Variants in ATP6V0A1 observed in about 807,000 individuals in gnomAD.
The protein encoded by ATP6V0A1 is V-type proton ATPase 116 kDa subunit a 1.
ATP6V0A1 carries 43 observed loss-of-function variants against 105.4 expected under a neutral mutation model. The observed-to-expected ratio is 0.41, with a 90% CI of 0.32 to 0.53. The LOEUF is 0.53. ATP6V0A1 is among the 20% of genes least tolerant of loss of function. The probability of loss-of-function intolerance (pLI) is 0.30; values close to 1 mark genes in which losing one functional copy is unlikely to be tolerated. For synonymous variants in ATP6V0A1, 362 were observed against 372.8 expected (o/e 0.97, Z 0.33); for missense variants, 676 against 1,051.1 (o/e 0.64, Z 4.93).
intron 11 of ATP6V0A1, among the ~76,000 whole-genome samples, chr17:42,493,648 G>A (rs759877024): frequency 7.9e-5 from 12 of 151,992 alleles, no homozygotes; most frequent in Non-Finnish European, 1.5e-4. Flanking sequence ...TTATTTATCA[G>A]TAATTTTAAA....
intron 11 of ATP6V0A1, among the ~76,000 whole-genome samples, chr17:42,492,941 C>T (rs183967790): frequency 2.1e-4 from 32 of 152,058 alleles, no homozygotes; most frequent in African/African-American, 7.5e-4. Context: ...TTGCTTGAAC[C>T]CAAGAGACAG....
At chr17:42,483,706 C>T (rs1488883382) in intron 9 of ATP6V0A1, among the ~76,000 whole-genome samples, 1 of 152,148 alleles carries the variant, frequency 6.6e-6, no homozygotes, top group Non-Finnish European at 1.5e-5. Flanking sequence ...CTCATCCTCC[C>T]AAGTAGCTGG....
rs576742453 is a variant in ATP6V0A1, at chr17:42,499,483, T to A, written c.1679+441T>A. Among the ~76,000 whole-genome samples, 119 of 147,936 alleles carry A rather than the reference T, an allele frequency of 8.0e-4. 3 individuals carry two copies. In the South Asian group the frequency reaches 0.012, roughly 15 times the overall value. The stretch of plus-strand genomic sequence containing the variant: ...GAGACTCTGCCTCAAAAAAAATAAA[T>A]AAATAAATAAATTTCATGGTCTGGC... On this transcript the variant is annotated intron_variant, in intron 15 of 21. Coordinates refer to ENST00000343619, the MANE Select transcript of ATP6V0A1 (RefSeq NM_001130021.3).
At chr17:42,483,219 G>T in intron 9 of ATP6V0A1, 88 bp downstream of exon 9, 1 of 1,024,258 alleles carries the variant, frequency 9.8e-7, no homozygotes, top group South Asian at 3.4e-5. Flanking sequence ...TATTCTATAA[G>T]GTACCTGTAG....
intron 15 of ATP6V0A1, among the ~76,000 whole-genome samples, 158 bp from the exon 16 acceptor site, chr17:42,500,549 T>C (rs955162909): frequency 6.6e-6 from 1 of 152,186 alleles, no homozygotes; most frequent in African/African-American, 2.4e-5. Context: ...TAATCCTGCA[T>C]TGTCTCTGTT....
At chr17:42,501,169 G>A in intron 16 of ATP6V0A1, 28 bp from the exon 17 acceptor site, 1 of 1,562,202 alleles carries the variant, frequency 6.4e-7, no homozygotes, top group Non-Finnish European at 8.8e-7. Flanking sequence ...TTTATATGAT[G>A]TACCTTGTCC....
chr17:42,486,178 C>T (rs980833078), intron 9 of ATP6V0A1, among the ~76,000 whole-genome samples: 4 of 152,088 alleles, frequency 2.6e-5, no homozygotes, highest in South Asian at 2.1e-4. Context: ...TTTGGGAGGC[C>T]GAGGTGGGTG....
chr17:42,499,851 G>A (rs566868720), intron 15 of ATP6V0A1, among the ~76,000 whole-genome samples: 1 of 151,706 alleles, frequency 6.6e-6, no homozygotes, highest in Non-Finnish European at 1.5e-5. Context: ...ACAATTTACT[G>A]TTCCAGTAAA....
Position 42,513,972 on chromosome 17 carries a change from C to T in ATP6V0A1, c.2242C>T (p.His748Tyr). The T allele has an allele frequency of 6.2e-7, 1 of 1,613,704 alleles. No homozygotes were observed. The highest frequency in any genetic ancestry group is 2.2e-5 in the East Asian group (1 of 44,874). The change falls in exon 20 of 22, where the codon CAT becomes TAT. Residue 748 changes from histidine to tyrosine, a missense_variant. His to Tyr is a moderately conservative substitution (Grantham distance 83). Around this residue, in one of 3 missense-constraint regions of ATP6V0A1, gnomAD observed 435 missense variants for 642.2 expected, o/e 0.68. Coordinates refer to ENST00000343619, the MANE Select transcript of ATP6V0A1 (RefSeq NM_001130021.3). ...GCGGCTCTGGGCCCTCAGCCTCGCT[C>T]ATGCGCGTGAGTACCTCTCTCCGGG... Reference protein sequence around the residue: ...YLRLWALSLAHAQLSEVLWTM... With the variant: ...YLRLWALSLAYAQLSEVLWTM...
intron 21 of ATP6V0A1, chr17:42,519,203 G>A (rs1170362408): frequency 6.6e-6 from 1 of 152,272 alleles, no homozygotes; most frequent in African/African-American, 2.4e-5. Flanking sequence ...GGGCCCCCAT[G>A]GGTAGATAAG....
At chr17:42,489,610 C>T (rs528741897) in intron 10 of ATP6V0A1, among the ~76,000 whole-genome samples, 2 of 152,090 alleles carry the variant, frequency 1.3e-5, no homozygotes, top group South Asian at 2.1e-4. Context: ...AGGAGAAATA[C>T]AAGGAGAAAG....
chr17:42,477,534 T>G, intron 5 of ATP6V0A1, 126 bp from the exon 6 acceptor site: 1 of 880,848 alleles, frequency 1.1e-6, no homozygotes, highest in Non-Finnish European at 1.7e-6. Flanking sequence ...CTTTTCGTGG[T>G]TTGTTTTCTT....
chr17:42,517,740 G>A (rs1391265764), intron 21 of ATP6V0A1, among the ~76,000 whole-genome samples: 10 of 152,202 alleles, frequency 6.6e-5, no homozygotes, highest in Non-Finnish European at 7.3e-5. Flanking sequence ...CAGGGGTGGA[G>A]CCTCTGGGGC....
In ATP6V0A1 at chr17:42,494,353, G is replaced by A. The variant is rs758672070; in HGVS notation, c.1194G>A (p.Thr398=). The A allele has an allele frequency of 5.9e-5, 95 of 1,613,144 alleles. No individual in the cohort carries two copies. The highest frequency in any genetic ancestry group is 7.2e-5 in the Non-Finnish European group (85 of 1,179,386). ...TCATAGCTCCGTATACTATTATCAC[G>A]TTCCCTTTTCTATTTGCTGTGATGT... ...EINPAPYTII[T]FPFLFAVMFG... is the part of the protein sequence containing the mutation. The change falls in exon 12 of 22, where the codon ACG becomes ACA. Residue 398 remains threonine (T), a synonymous_variant. Coordinates refer to ENST00000343619, the MANE Select transcript of ATP6V0A1 (RefSeq NM_001130021.3).
intron 11 of ATP6V0A1, among the ~76,000 whole-genome samples, chr17:42,491,338 T>G (rs886685940): frequency 6.6e-6 from 1 of 152,158 alleles, no homozygotes; most frequent in Non-Finnish European, 1.5e-5. Flanking sequence ...TGAGACGGAG[T>G]CTCGCTGTGT....
chr17:42,475,077 C>G (rs1317303870), intron 5 of ATP6V0A1, among the ~76,000 whole-genome samples: 1 of 152,218 alleles, frequency 6.6e-6, no homozygotes, highest in African/African-American at 2.4e-5. Context: ...TGGTTAATGG[C>G]ATGCAGATTC....
intron 14 of ATP6V0A1, among the ~76,000 whole-genome samples, chr17:42,497,948 A>G (rs1349742995): frequency 6.7e-6 from 1 of 149,738 alleles, no homozygotes; most frequent in Non-Finnish European, 1.5e-5. Context: ...AAAAGAAAAA[A>G]AAAAAAAGCC....
chr17:42,507,603 C>A lies in ATP6V0A1; in HGVS notation c.2088C>A (p.Ser696=), dbSNP rs764011136. 6.2e-7 allele frequency: 1 copy of A among 1,614,014 alleles called. No individual in the cohort carries two copies. Among genetic ancestry groups the A allele is most frequent in the South Asian group, 1.1e-5 (1 of 91,058 alleles). Residue 696 remains serine (S), a synonymous_variant, in exon 18 of 22, where the codon TCC becomes TCA. Transcript: ENST00000343619. ...DAEIIQHDQL[S]THSEDADEPS... ...AGATTATTCAGCATGACCAGCTCTC[C>A]ACCCACTCAGAGGACGCAGACGAGG...
intron 21 of ATP6V0A1, among the ~76,000 whole-genome samples, chr17:42,516,289 T>C (rs2092621528): frequency 1.3e-5 from 2 of 152,162 alleles, no homozygotes; most frequent in South Asian, 2.1e-4. Context: ...GCTGTGGGTT[T>C]TTCTGAATGA....
Sources: gnomAD v4.1 joint callset for allele counts (sites outside exome capture counted in the v4.1 genomes callset) on GRCh38, gnomAD v4.1.1 for gene constraint, gnomAD v4.1.1 regional missense constraint, MANE v1.5 for transcripts, NCBI Gene and HGNC (gene_info 2026-07-23, HGNC 2026-07-21) for gene names.